The following THSD7B variants were observed in gnomAD, a reference collection of about 807,000 sequenced individuals.
THSD7B encodes the protein thrombospondin type-1 domain-containing protein 7B.
THSD7B carries 138 observed loss-of-function variants against 213.6 expected under a neutral mutation model. The ratio of observed to expected loss-of-function variants is 0.65; its 90% CI spans 0.56 to 0.74. The LOEUF (loss-of-function observed/expected upper bound fraction) is 0.74. Among genes scored for constraint, THSD7B ranks in the 30% least tolerant of loss-of-function variants. The pLI, the probability that THSD7B is intolerant of heterozygous loss-of-function variation, is 0.00. For synonymous variants in THSD7B, 742 were observed against 687.0 expected (o/e 1.08, Z -1.25); for missense variants, 1,931 against 1,991.5 (o/e 0.97, Z 0.58).
chr2:136,878,114 C>T (rs1031486820), intron 1 of THSD7B, among the ~76,000 whole-genome samples: 17 of 152,132 alleles, frequency 1.1e-4, no homozygotes, highest in African/African-American at 2.2e-4. Context: ...TGTTCTCCTT[C>T]CTGTGTCCAA....
intron 2 of THSD7B, among the ~76,000 whole-genome samples, chr2:137,039,767 G>C (rs1017751943): frequency 1.3e-5 from 2 of 152,200 alleles, no homozygotes; most frequent in Admixed American, 1.3e-4. Flanking sequence ...TAGCTCTGAA[G>C]CACTTTCTAC....
Position 137,231,338 on chromosome 2 carries a change from T to A in THSD7B, c.1915+103T>A, listed in dbSNP as rs1362794665. 10 of 1,105,558 alleles carry A rather than the reference T, an allele frequency of 9.0e-6. No homozygotes were observed. The East Asian group carries it at 2.3e-4, about 26-fold the overall frequency. 68.5% of individuals were successfully genotyped at this position (1,105,558 alleles called of 1,614,324 possible). ...TTTATATGGAGGAAATAGTCACACA[T>A]AGACGATATCTCTATTCCCTGAATC... is the stretch of plus-strand genomic sequence containing the variant. On this transcript the variant is annotated intron_variant, in intron 8 of 27. Transcript: ENST00000409968.
At chr2:136,931,698 TA>T (rs1175307100) in intron 2 of THSD7B, among the ~76,000 whole-genome samples, 1 of 152,050 alleles carries the variant, frequency 6.6e-6, no homozygotes. Context: ...CACTAGCCAA[TA>T]AAGATCCATA....
chr2:137,311,555 G>C (rs1465357331), intron 12 of THSD7B, among the ~76,000 whole-genome samples: 3 of 152,044 alleles, frequency 2.0e-5, no homozygotes, highest in Non-Finnish European at 4.4e-5. Flanking sequence ...GAATAGGAGT[G>C]GTGAGAGAGG....
intron 1 of THSD7B, among the ~76,000 whole-genome samples, chr2:136,875,781 A>G (rs1683518527): frequency 6.6e-6 from 1 of 152,182 alleles, no homozygotes. Context: ...CCTAAGAGAA[A>G]ACCAAGGCTT....
chr2:136,918,873 G>A (rs79040442), intron 2 of THSD7B, among the ~76,000 whole-genome samples: 1 of 152,004 alleles, frequency 6.6e-6, no homozygotes, highest in African/African-American at 2.4e-5. Context: ...TCTCTATATC[G>A]TACCATTCTC....
chr2:137,380,628 G>A (rs574184974), intron 12 of THSD7B, among the ~76,000 whole-genome samples: 1 of 152,316 alleles, frequency 6.6e-6, no homozygotes, highest in Admixed American at 6.5e-5. Context: ...GCAGCCTCTG[G>A]AAGCTGAAAA....
intron 2 of THSD7B, among the ~76,000 whole-genome samples, chr2:136,990,657 G>A (rs568130479): frequency 6.2e-4 from 95 of 152,216 alleles, no homozygotes; most frequent in African/African-American, 2.2e-3. Flanking sequence ...TATTTCATAG[G>A]ACATTTACTG....
At chr2:137,119,315 A>C (rs1023345822) in intron 5 of THSD7B, among the ~76,000 whole-genome samples, 3 of 152,234 alleles carry the variant, frequency 2.0e-5, no homozygotes, top group Non-Finnish European at 4.4e-5. Context: ...TAGTCTATGC[A>C]CTAAAGTACA....
At chr2:137,163,506 A>G (rs1680059462) in intron 6 of THSD7B, among the ~76,000 whole-genome samples, 1 of 152,174 alleles carries the variant, frequency 6.6e-6, no homozygotes, top group African/African-American at 2.4e-5. Flanking sequence ...AGATGAAGGC[A>G]GACATTGGGA....
At chr2:137,647,223 C>T (rs1202844805) in intron 21 of THSD7B, among the ~76,000 whole-genome samples, 2 of 152,148 alleles carry the variant, frequency 1.3e-5, no homozygotes, top group African/African-American at 4.8e-5. Context: ...GCTCTAAAAT[C>T]TAGACAATGC....
At chr2:136,966,040 TTC>T (rs1685307670) in intron 2 of THSD7B, among the ~76,000 whole-genome samples, 1 of 152,124 alleles carries the variant, frequency 6.6e-6, no homozygotes, top group Admixed American at 6.5e-5. Flanking sequence ...ATTAATCAAC[TTC>T]TGTCTCATTA....
chr2:136,795,506 C>T (rs1682044944), intron 1 of THSD7B, among the ~76,000 whole-genome samples: 1 of 151,950 alleles, frequency 6.6e-6, no homozygotes, highest in African/African-American at 2.4e-5. Context: ...GTATCATATC[C>T]ACAGGTCTTG....
rs186841050 is a variant in THSD7B at position 137,528,986 on chromosome 2, A to G, written c.3139-34235A>G. 1.1e-3 allele frequency among the ~76,000 whole-genome samples: 162 copies of G among 152,242 alleles called. 1 individual carries two copies. The highest frequency in any genetic ancestry group is 3.5e-3 in the Admixed American group (53 of 15,280). On this transcript the variant is annotated intron_variant, in intron 15 of 27. Transcript: ENST00000409968. ...CTTGAGCATACAATCCTCTTTAATCATTAAATTTTCATACATGTAATTATT... is the reference window on the plus strand; with the variant it reads ...CTTGAGCATACAATCCTCTTTAATCGTTAAATTTTCATACATGTAATTATT...
intron 15 of THSD7B, among the ~76,000 whole-genome samples, chr2:137,484,076 T>C (rs1246320168): frequency 1.3e-5 from 2 of 151,900 alleles, no homozygotes; most frequent in Non-Finnish European, 2.9e-5. Context: ...ATGTGCAGGT[T>C]AGTTACATAT....
chr2:137,304,313 A>G (rs1433442036), intron 12 of THSD7B, among the ~76,000 whole-genome samples: 1 of 152,192 alleles, frequency 6.6e-6, no homozygotes, highest in Non-Finnish European at 1.5e-5. Flanking sequence ...TGCAAAAAAT[A>G]TCTATCAAGC....
chr2:136,901,770 T>C (rs888941671), intron 2 of THSD7B, among the ~76,000 whole-genome samples: 9 of 152,208 alleles, frequency 5.9e-5, no homozygotes, highest in Non-Finnish European at 1.2e-4. Context: ...AAGGATACTT[T>C]TTAAAAACTT....
At chr2:137,405,338 G>C (rs1453387266) in intron 12 of THSD7B, among the ~76,000 whole-genome samples, 1 of 152,078 alleles carries the variant, frequency 6.6e-6, no homozygotes, top group African/African-American at 2.4e-5. Context: ...ATGCTGAGGA[G>C]CAGGAAGTAC....
chr2:137,044,557 G>A (rs775225260), intron 2 of THSD7B, among the ~76,000 whole-genome samples: 3 of 152,000 alleles, frequency 2.0e-5, no homozygotes, highest in Non-Finnish European at 4.4e-5. Context: ...AGAACCCTGT[G>A]CATATTATGT....
Sources: allele counts gnomAD v4.1 joint callset (sites outside exome capture counted in the v4.1 genomes callset), GRCh38; gene constraint gnomAD v4.1.1; transcripts MANE v1.5; gene names NCBI Gene and HGNC (gene_info 2026-07-23, HGNC 2026-07-21).